KNTC1: variants seen among roughly 807,000 people sequenced by gnomAD.
The protein encoded by KNTC1 is kinetochore-associated protein 1.
KNTC1 carries 253 observed loss-of-function variants against 314.4 expected under a neutral mutation model. The observed-to-expected ratio is 0.80, with a 90% CI of 0.73 to 0.89. The LOEUF (loss-of-function observed/expected upper bound fraction) is 0.89, where lower values mean the gene tolerates loss of function less well. Ranked by LOEUF, KNTC1 falls within the 40% of genes least tolerant of loss-of-function variation. KNTC1 has a pLI of 0.00. For missense variants in KNTC1, 2,475 were observed against 2,572.9 expected, an observed-to-expected ratio of 0.96 and a Z score of 0.82; for synonymous variants, 901 against 901.4, an observed-to-expected ratio of 1.00 and a Z score of 0.01.
chr12:122,590,711 A>T lies in KNTC1; in HGVS notation c.4104A>T (p.Ala1368=), dbSNP rs763814103. Residue 1368 remains alanine, a synonymous_variant, in exon 41 of 64, where the codon GCA becomes GCT. Coordinates refer to ENST00000333479, the MANE Select transcript of KNTC1 (RefSeq NM_014708.6). ...FENLWKLIDK[A]WQNYDKILAI... is the part of the protein sequence containing the mutation. The stretch of plus-strand genomic sequence containing the variant: ...ATCTCTGGAAGCTCATAGATAAAGC[A>T]TGGCAGAATTACGACAAAATCTTGG... 11 of 1,613,234 alleles carry T rather than the reference A, an allele frequency of 6.8e-6. No individual in the cohort carries two copies. Among genetic ancestry groups the T allele is most frequent in the Non-Finnish European group, 9.3e-6 (11 of 1,179,530 alleles).
At chr12:122,600,549 T>C (rs1028332161) in intron 44 of KNTC1, among the ~76,000 whole-genome samples, 3 of 152,214 alleles carry the variant, frequency 2.0e-5, no homozygotes, top group Non-Finnish European at 2.9e-5. Flanking sequence ...AAAGGATCAG[T>C]TTCTTTCTGT....
chr12:122,598,799 G>A (rs1871414424), intron 44 of KNTC1, among the ~76,000 whole-genome samples: 1 of 150,832 alleles, frequency 6.6e-6, no homozygotes, highest in Non-Finnish European at 1.5e-5. Context: ...GGCTTTTATG[G>A]TTAGACATTT....
chr12:122,556,904 A>G lies in KNTC1; in HGVS notation c.1273-480A>G, dbSNP rs527606289. On this transcript the variant is annotated intron_variant, in intron 16 of 63. Coordinates refer to ENST00000333479, the MANE Select transcript of KNTC1 (RefSeq NM_014708.6). ...TTTATCTGTGTTGTTGTTGGAAATG[A>G]CAAATTTTCCCTCTTTTTTTTTTTT... 2.1e-5 allele frequency among the ~76,000 whole-genome samples: 3 copies of G among 145,382 alleles called. No homozygotes were observed. The South Asian group carries it at 6.5e-4, about 32-fold the overall frequency.
At chr12:122,589,155 G>A (rs978600919) in intron 40 of KNTC1, among the ~76,000 whole-genome samples, 1 of 151,702 alleles carries the variant, frequency 6.6e-6, no homozygotes, top group South Asian at 2.1e-4. Flanking sequence ...TGAACTTCTG[G>A]GTTCTAGTTA....
intron 42 of KNTC1, chr12:122,594,003 T>A: frequency 7.6e-6 from 3 of 392,228 alleles, no homozygotes; most frequent in Non-Finnish European, 1.4e-5. Flanking sequence ...TTAATTCTTC[T>A]GCAGTAATGG....
At chr12:122,576,689 A>G (rs577395879) in intron 29 of KNTC1, among the ~76,000 whole-genome samples, 1 of 152,240 alleles carries the variant, frequency 6.6e-6, no homozygotes, top group South Asian at 2.1e-4. Context: ...CAAAAAAAAG[A>G]CACCAAATAG....
At chr12:122,528,523 C>G (rs1007122106) in intron 1 of KNTC1, among the ~76,000 whole-genome samples, 1 of 152,076 alleles carries the variant, frequency 6.6e-6, no homozygotes, top group Admixed American at 6.6e-5. Context: ...CCAGCCAGGG[C>G]AAAATAGTGA....
intron 18 of KNTC1, 61 bp from the exon 19 acceptor site, chr12:122,561,860 A>G (rs1963997058): frequency 1.4e-6 from 2 of 1,386,262 alleles, no homozygotes; most frequent in Non-Finnish European, 9.9e-7. Flanking sequence ...CAGAAAATCC[A>G]TCATTTAGGA....
rs1342859085 is a variant in KNTC1 at position 122,588,692 on chromosome 12, T to C, written c.3895-20T>C. ...TTATATAGAACTAGACCTAAATATTTTTTTCTTCTTTTCTAAAAGTTATTT... is the reference window on the plus strand; with the variant it reads ...TTATATAGAACTAGACCTAAATATTCTTTTCTTCTTTTCTAAAAGTTATTT... On this transcript the variant is annotated intron_variant, in intron 39 of 63. Transcript: ENST00000333479. The C allele has an allele frequency of 2.7e-6, 4 of 1,475,010 alleles. No individual in the cohort carries two copies. The highest frequency in any genetic ancestry group is 3.6e-6 in the Non-Finnish European group (4 of 1,106,636). 91.4% of individuals were successfully genotyped at this position (1,475,010 alleles called of 1,614,324 possible). A position where few individuals can be genotyped will look rare whatever the true frequency, so the allele number is the denominator to read the frequency against.
chr12:122,579,299 C>T (rs1046209294), intron 31 of KNTC1, among the ~76,000 whole-genome samples: 16 of 151,146 alleles, frequency 1.1e-4, no homozygotes, highest in African/African-American at 3.9e-4. Flanking sequence ...CTCCTGACCT[C>T]GTGATCCGCC....
At chr12:122,600,726 C>T (rs191181452) in intron 44 of KNTC1, among the ~76,000 whole-genome samples, 322 of 151,696 alleles carry the variant, frequency 2.1e-3, no homozygotes, top group African/African-American at 6.6e-3. Context: ...AGAGCAGTGG[C>T]GTGATCTCAG....
chr12:122,624,718 A>T (rs1331222641), intron 63 of KNTC1, 30 bp downstream of exon 63: 1 of 1,491,792 alleles, frequency 6.7e-7, no homozygotes, highest in South Asian at 1.1e-5. Flanking sequence ...CTTAGGTTCT[A>T]ACTTGACATT....
At chr12:122,615,446 T>C (rs1018499627) in intron 56 of KNTC1, 24 bp from the exon 57 acceptor site, 8 of 1,492,468 alleles carry the variant, frequency 5.4e-6, no homozygotes, top group Non-Finnish European at 7.2e-6. Flanking sequence ...TCTTTAGAAC[T>C]TTTTTATTTT....
intron 57 of KNTC1, among the ~76,000 whole-genome samples, chr12:122,615,728 A>G (rs2138171854): frequency 6.6e-6 from 1 of 152,274 alleles, no homozygotes; most frequent in East Asian, 1.9e-4. Flanking sequence ...TTGAGGCTGC[A>G]GTGAGCCGTG....
At chr12:122,534,589 G>A (rs2137660955) in intron 2 of KNTC1, 75 bp from the exon 3 acceptor site, 1 of 1,362,284 alleles carries the variant, frequency 7.3e-7, no homozygotes, top group Middle Eastern at 1.9e-4. Flanking sequence ...TTGGGAATTT[G>A]ATGATACTAT....
chr12:122,574,876 T>G (rs1964916149), intron 27 of KNTC1, among the ~76,000 whole-genome samples: 1 of 152,216 alleles, frequency 6.6e-6, no homozygotes, highest in African/African-American at 2.4e-5. Context: ...ATGTGAGACA[T>G]TTGTTAATAT....
intron 7 of KNTC1, 97 bp from the exon 8 acceptor site, chr12:122,544,062 A>G: frequency 1.8e-6 from 1 of 557,434 alleles, no homozygotes; most frequent in South Asian, 3.0e-5. Flanking sequence ...AAAAAAAAAA[A>G]AAAAATTTAT....
chr12:122,532,937 G>A (rs1031124241), intron 2 of KNTC1, among the ~76,000 whole-genome samples: 3 of 152,166 alleles, frequency 2.0e-5, no homozygotes, highest in African/African-American at 7.2e-5. Flanking sequence ...GTGTGAGCCC[G>A]GTGTGGTGGC....
At chr12:122,592,368 G>A (rs1158664143) in intron 42 of KNTC1, among the ~76,000 whole-genome samples, 1 of 152,204 alleles carries the variant, frequency 6.6e-6, no homozygotes, top group Non-Finnish European at 1.5e-5. Context: ...ATGCTCCACG[G>A]CGCCCAGTCC....
Sources: gnomAD v4.1 joint callset for allele counts (sites outside exome capture counted in the v4.1 genomes callset) on GRCh38, gnomAD v4.1.1 for gene constraint, MANE v1.5 for transcripts, NCBI Gene and HGNC (gene_info 2026-07-23, HGNC 2026-07-21) for gene names.